The following SHANK1 variants were observed in gnomAD, a reference collection of about 807,000 sequenced individuals.
SHANK1 encodes SH3 and multiple ankyrin repeat domains 1.
In SHANK1, 35 loss-of-function variants were observed where a neutral mutation model predicts 165.6. The observed-to-expected ratio is 0.21, with a 90% CI of 0.16 to 0.28. The LOEUF is 0.28. SHANK1 is among the 10% of genes least tolerant of loss of function. The pLI, the probability that SHANK1 is intolerant of heterozygous loss-of-function variation, is 1.00. For missense variants in SHANK1, 2,681 were observed against 3,036.4 expected (o/e 0.88, Z 2.75); for synonymous variants, 1,428 against 1,384.8 (o/e 1.03, Z -0.69).
chr19:50,665,666 G>C (rs1358489992), intron 23 of SHANK1, among the ~76,000 whole-genome samples: 1 of 147,034 alleles, frequency 6.8e-6, no homozygotes, highest in Non-Finnish European at 1.5e-5. Flanking sequence ...GAGCCCAGGA[G>C]TTTGAGGCTG....
intron 18 of SHANK1, 71 bp downstream of exon 18, chr19:50,687,852 C>T: frequency 6.3e-7 from 1 of 1,584,190 alleles, no homozygotes; most frequent in Non-Finnish European, 8.6e-7. Context: ...GCAGCAGCAA[C>T]CAGCCCTGGG....
rs915896260 is a variant in SHANK1, at chr19:50,666,901, G to C, written c.5059C>G (p.Pro1687Ala). The C allele has an allele frequency of 2.5e-6, 4 of 1,598,090 alleles. No homozygotes were observed. In the African/African-American group the frequency reaches 4.0e-5, roughly 16 times the overall value. ...EVDSRSSSDH[P>A]LETISSASTL... The stretch of plus-strand genomic sequence containing the variant: ...GAGGCGCTGCTGATGGTCTCCAGTG[G>C]GTGGTCACTGCTGCTCCGACTGTCC... Residue 1687 changes from proline to alanine, a missense_variant, in exon 23 of 24, where the codon CCA (proline) becomes GCA (alanine). Around this residue, in one of 10 missense-constraint regions of SHANK1, gnomAD observed 1,713 missense variants for 1,630.2 expected, o/e 1.05. Coordinates refer to ENST00000293441, the MANE Select transcript of SHANK1 (RefSeq NM_016148.5).
At chr19:50,700,979 TG>T (rs988274712) in intron 12 of SHANK1, among the ~76,000 whole-genome samples, 1 of 151,950 alleles carries the variant, frequency 6.6e-6, no homozygotes, top group Non-Finnish European at 1.5e-5. Flanking sequence ...CAGAGACCAG[TG>T]ACTTATGACC....
intron 12 of SHANK1, among the ~76,000 whole-genome samples, chr19:50,700,238 TGGAGAATTGGAGGGCTCGGGGCATTG>T (rs1986874460): frequency 1.4e-5 from 2 of 141,886 alleles, no homozygotes; most frequent in African/African-American, 2.7e-5. Flanking sequence ...TTTGGGGCAT[TGGAGAATTGGAGGGCTCGGGGCATTG>T]GGAGAGTGGA....
At chr19:50,679,703 C>T (rs1286760952) in intron 21 of SHANK1, among the ~76,000 whole-genome samples, 1 of 152,124 alleles carries the variant, frequency 6.6e-6, no homozygotes, top group East Asian at 1.9e-4. Flanking sequence ...GCTAAGGAGG[C>T]AGCCCTGAGA....
At position 50,688,983 on chromosome 19, in the gene SHANK1, G is replaced by T. The variant is rs1293758240; in HGVS notation, c.2048-15C>A. The T allele has an allele frequency of 6.5e-7, 1 of 1,532,168 alleles. No homozygotes were observed. Among genetic ancestry groups the T allele is most frequent in the Non-Finnish European group, 8.8e-7 (1 of 1,131,450 alleles). 94.9% of individuals were successfully genotyped at this position (1,532,168 alleles called of 1,614,324 possible). ...GGGGGTCTGCGCTGCAGACAGGGAGGAGCCGGCGGGGTCGGAGGGGAGGGG... is the reference window on the plus strand; with the variant it reads ...GGGGGTCTGCGCTGCAGACAGGGAGTAGCCGGCGGGGTCGGAGGGGAGGGG... On this transcript the variant is annotated splice_polypyrimidine_tract_variant and intron_variant, in intron 16 of 23. Coordinates refer to ENST00000293441, the MANE Select transcript of SHANK1 (RefSeq NM_016148.5). The surrounding 1 kb of genome is among the most constrained non-coding windows in gnomAD (Gnocchi z 6.7).
At position 50,689,272 on chromosome 19, in the gene SHANK1, T is replaced by C; in HGVS notation, c.1972A>G (p.Ile658Val). 2.5e-6 allele frequency: 4 copies of C among 1,607,588 alleles called. No homozygotes were observed. Among genetic ancestry groups the C allele is most frequent in the Non-Finnish European group, 3.4e-6 (4 of 1,176,844 alleles). ...MDGIGPGSDY[I>V]IKEKTVLLQK... is the part of the protein sequence containing the mutation. ...AGCAAGACTGTCTTCTCCTTAATGA[T>C]GTAATCGCTGGCAGGGAGGCAGGAG... Residue 658 changes from isoleucine (I) to valine (V), a missense_variant, in exon 16 of 24, where the codon ATC (isoleucine) becomes GTC (valine). Transcript: ENST00000293441.
At chr19:50,677,888 T>G (rs1470913436) in intron 21 of SHANK1, among the ~76,000 whole-genome samples, 1 of 152,224 alleles carries the variant, frequency 6.6e-6, no homozygotes, top group Non-Finnish European at 1.5e-5. Context: ...GCTGAATGTT[T>G]TTCTGACCCC....
Position 50,716,415 on chromosome 19 carries a change from G to C in SHANK1, c.319C>G (p.Leu107Val). ...WTAKQQVLCA[L>V]SESLQDVLNY... The stretch of plus-strand genomic sequence containing the variant: ...AGCACATCCTGCAGGCTCTCGCTCA[G>C]GGCACAGAGCACCTGCTGCTTGGCC... The change falls in exon 3 of 24, where the codon CTG (leucine) becomes GTG (valine). Residue 107 changes from leucine to valine, a missense_variant. This residue lies in a region of SHANK1 where 189 missense variants were observed against 440.9 expected (regional missense o/e 0.43). Transcript: ENST00000293441. This position sits in a 1 kb window ranked among gnomAD's most constrained non-coding sequence, Gnocchi z 8.4. The C allele has an allele frequency of 2.5e-6, 4 of 1,614,210 alleles. No individual in the cohort carries two copies. Among genetic ancestry groups the C allele is most frequent in the Non-Finnish European group, 3.4e-6 (4 of 1,180,022 alleles).
rs1439669191 is a variant in SHANK1 at position 50,666,686 on chromosome 19, C to T, written c.5274G>A (p.Arg1758=). 4.4e-6 allele frequency: 7 copies of T among 1,585,054 alleles called. No homozygotes were observed. In the East Asian group the frequency reaches 1.6e-4, roughly 36 times the overall value. ...CTCCGCTGGCTCCTAGCGCCCGGCC[C>T]CGGAGCTTAGAGGGAGTCATGAGCT... ...PPQLMTPSKL[R]GRALGASGGL... Residue 1758 remains arginine (R), a synonymous_variant, in exon 23 of 24, where the codon CGG becomes CGA. Transcript: ENST00000293441.
intron 8 of SHANK1, among the ~76,000 whole-genome samples, chr19:50,707,876 T>TTTTCTTTTC: frequency 1.1e-5 from 1 of 95,106 alleles, no homozygotes; most frequent in Non-Finnish European, 2.1e-5. Context: ...CTTTTGCGTG[T>TTTTCTTTTC]TTTTCTTTTC....
intron 21 of SHANK1, among the ~76,000 whole-genome samples, chr19:50,673,872 C>CA (rs1473663260): frequency 2.0e-5 from 3 of 150,300 alleles, no homozygotes. Context: ...CGGCTCACTG[C>CA]AGCCTTGGCC....
intron 21 of SHANK1, among the ~76,000 whole-genome samples, chr19:50,677,845 C>T (rs1188525837): frequency 4.6e-5 from 7 of 152,328 alleles, no homozygotes; most frequent in South Asian, 2.1e-4. Context: ...CTTCTCTAAG[C>T]GCTTCTCAGC....
Position 50,662,570 on chromosome 19 carries a change from T to C in SHANK1, c.5881A>G (p.Thr1961Ala). The change falls in exon 24 of 24, where the codon ACA becomes GCA. Residue 1961 changes from threonine to alanine, a missense_variant. This residue lies in a region of SHANK1 where 1,713 missense variants were observed against 1,630.2 expected (regional missense o/e 1.05). Coordinates refer to ENST00000293441, the MANE Select transcript of SHANK1 (RefSeq NM_016148.5). The surrounding 1 kb of genome is among the most constrained non-coding windows in gnomAD (Gnocchi z 7.7). ...PLPTGTGVSP[T>A]AAAAPGATSP... ...GTGGCCCCTGGGGCCGCAGCGGCTG[T>C]AGGGGAGACCCCTGTTCCGGTGGGG... The C allele has an allele frequency of 6.4e-7, 1 of 1,563,574 alleles. No homozygotes were observed. Among genetic ancestry groups the C allele is most frequent in the Non-Finnish European group, 8.7e-7 (1 of 1,153,606 alleles).
chr19:50,679,821 TAGAGAGACAGAAAA>T (rs1356163264), intron 21 of SHANK1, among the ~76,000 whole-genome samples: 1 of 146,718 alleles, frequency 6.8e-6, no homozygotes, highest in Non-Finnish European at 1.5e-5. Flanking sequence ...GAGACAGACG[TAGAGAGACAGAAAA>T]AGAGAGACAG....
At position 50,688,722 on chromosome 19, in the gene SHANK1, G is replaced by C. The variant is rs1200080246; in HGVS notation, c.2172+122C>G. On this transcript the variant is annotated intron_variant, in intron 17 of 23. Coordinates refer to ENST00000293441, the MANE Select transcript of SHANK1 (RefSeq NM_016148.5). The surrounding 1 kb of genome is among the most constrained non-coding windows in gnomAD (Gnocchi z 6.7). ...GCAGAGGCTGGCTGGGGGGTGGGCA[G>C]GGGGCTGGGAATCCTGGTGCCAAAG... is the stretch of plus-strand genomic sequence containing the variant. The C allele has an allele frequency of 1.0e-6, 1 of 956,486 alleles. No homozygotes were observed. Among genetic ancestry groups the C allele is most frequent in the Non-Finnish European group, 1.6e-6 (1 of 642,416 alleles). 59.2% of individuals were successfully genotyped at this position (956,486 alleles called of 1,614,324 possible). A position where few individuals can be genotyped will look rare whatever the true frequency, so the allele number is the denominator to read the frequency against.
chr19:50,669,310 A>C lies in SHANK1; in HGVS notation c.2675-25T>G, dbSNP rs779941705. The C allele has an allele frequency of 2.6e-6, 4 of 1,547,884 alleles. No individual in the cohort carries two copies. The East Asian group carries it at 9.3e-5, about 36-fold the overall frequency. On this transcript the variant is annotated intron_variant, in intron 22 of 23. Coordinates refer to ENST00000293441, the MANE Select transcript of SHANK1 (RefSeq NM_016148.5). ...CCTGGGGAGATACAGAGGCTCAAGGAGGGGGACCCTGGCGGGGAGGGTCTC... is the reference window on the plus strand; with the variant it reads ...CCTGGGGAGATACAGAGGCTCAAGGCGGGGGACCCTGGCGGGGAGGGTCTC...
At position 50,668,030 on chromosome 19, in the gene SHANK1, G is replaced by A. The variant is rs990327575; in HGVS notation, c.3930C>T (p.Tyr1310=). 9.5e-6 allele frequency: 14 copies of A among 1,476,100 alleles called. No homozygotes were observed. The highest frequency in any genetic ancestry group is 2.0e-4 in the Middle Eastern group (1 of 5,086). The allele number at this position is 1,476,100 out of a possible 1,614,324, so 91.4% of individuals were successfully genotyped here. ...RLESAGSGAG[Y]GGYGAGSRAY... ...CTCGGCTACCGGCCCCGTAGCCGCC[G>A]TAGCCCGCGCCGCTGCCCGCAGACT... The change falls in exon 23 of 24, where the codon TAC becomes TAT. Residue 1310 remains tyrosine (Y), a synonymous_variant. Coordinates refer to ENST00000293441, the MANE Select transcript of SHANK1 (RefSeq NM_016148.5).
chr19:50,708,360 A>G (rs1055884131), intron 8 of SHANK1, among the ~76,000 whole-genome samples: 4 of 152,152 alleles, frequency 2.6e-5, no homozygotes, highest in African/African-American at 4.8e-5. Flanking sequence ...TGTGCAAGTC[A>G]GAGTTGATGG....
Sources: allele counts gnomAD v4.1 joint callset (sites outside exome capture counted in the v4.1 genomes callset), GRCh38; gene constraint gnomAD v4.1.1; regional missense constraint gnomAD v4.1.1; non-coding constraint Gnocchi (gnomAD v3.1); transcripts MANE v1.5; gene names NCBI Gene and HGNC (gene_info 2026-07-23, HGNC 2026-07-21).